The following CSMD1 variants were observed in gnomAD, a reference collection of about 807,000 sequenced individuals.
CSMD1 encodes CUB and Sushi multiple domains 1.
CSMD1 carries 213 observed loss-of-function variants against 417.5 expected under a neutral mutation model. The observed-to-expected ratio is 0.51, with a 90% CI of 0.46 to 0.57. CSMD1 has a LOEUF of 0.57. Ranked by LOEUF, CSMD1 falls within the 20% of genes least tolerant of loss-of-function variation. CSMD1 has a pLI of 0.00. For missense variants in CSMD1, 6,923 were observed against 4,529.7 expected (o/e 1.53, Z -15.17); for synonymous variants, 2,862 against 1,736.8 (o/e 1.65, Z -16.11).
At chr8:4,496,470 C>T (rs893457) in intron 2 of CSMD1, among the ~76,000 whole-genome samples, 119,297 of 152,108 alleles carry the variant, frequency 0.78, 46,847 homozygotes, top group Middle Eastern at 0.85. Context: ...GCCAAGAGAA[C>T]GTGGAATCTC....
intron 1 of CSMD1, among the ~76,000 whole-genome samples, chr8:4,778,575 T>G (rs191436270): frequency 9.8e-5 from 15 of 152,334 alleles, no homozygotes; most frequent in Admixed American, 9.2e-4. Flanking sequence ...AAGATCAACC[T>G]GGAAATTCCG....
At chr8:3,993,350 A>G (rs983919155) in intron 5 of CSMD1, among the ~76,000 whole-genome samples, 1 of 152,198 alleles carries the variant, frequency 6.6e-6, no homozygotes, top group Non-Finnish European at 1.5e-5. Flanking sequence ...ATGTTCCTCT[A>G]TAATTCTCCC....
chr8:3,864,442 G>T (rs1026709732), intron 5 of CSMD1, among the ~76,000 whole-genome samples: 5 of 152,190 alleles, frequency 3.3e-5, no homozygotes, highest in African/African-American at 1.2e-4. Context: ...TACAGTATGA[G>T]AAGGGGTTAA....
chr8:4,104,809 G>A lies in CSMD1; in HGVS notation c.416-72710C>T, dbSNP rs530310373. ...GGCTATTTGCTGACCTTTACGAAGA[G>A]TGTCTTTAAATGTTTCCTTGAGATC... On this transcript the variant is annotated intron_variant, in intron 3 of 69. Transcript: ENST00000635120. Among the ~76,000 whole-genome samples the A allele has an allele frequency of 3.3e-5, 5 of 152,282 alleles. No homozygotes were observed. In the East Asian group the frequency reaches 7.7e-4, roughly 24 times the overall value.
chr8:3,381,908 G>A (rs569608370), intron 18 of CSMD1, among the ~76,000 whole-genome samples: 1 of 152,190 alleles, frequency 6.6e-6, no homozygotes, highest in South Asian at 2.1e-4. Context: ...TATCTATACA[G>A]TATATGCATA....
Position 3,017,184 on chromosome 8 carries a change from G to A in CSMD1, c.8029+1293C>T, listed in dbSNP as rs370974641. Among the ~76,000 whole-genome samples, 30 of 152,310 alleles carry A rather than the reference G, an allele frequency of 2.0e-4. No individual in the cohort carries two copies. The East Asian group carries it at 2.1e-3, about 11-fold the overall frequency. ...AGAGATGTGGTACATACTGTCAGAC[G>A]TGAGTGTCTCGGACCACCTAGCTCC... On this transcript the variant is annotated intron_variant, in intron 52 of 69. Transcript: ENST00000635120.
intron 10 of CSMD1, among the ~76,000 whole-genome samples, chr8:3,502,348 G>T (rs1420540038): frequency 7.7e-6 from 1 of 130,624 alleles, no homozygotes; most frequent in African/African-American, 3.0e-5. Context: ...CTGGGGGACA[G>T]ACCGAGACTT....
chr8:3,558,533 G>A (rs73658189), intron 10 of CSMD1, among the ~76,000 whole-genome samples: 23,921 of 115,714 alleles, frequency 0.21, 285 homozygotes, highest in East Asian at 0.36. Flanking sequence ...CTCCTCCAAC[G>A]ATGAACGGTG....
intron 5 of CSMD1, among the ~76,000 whole-genome samples, chr8:3,916,068 G>A (rs1250168200): frequency 6.6e-6 from 1 of 151,660 alleles, no homozygotes; most frequent in African/African-American, 2.4e-5. Flanking sequence ...GCTTTTCAAA[G>A]TGTCTGCTCT....
intron 3 of CSMD1, among the ~76,000 whole-genome samples, chr8:4,412,889 G>T (rs1292310113): frequency 6.6e-6 from 1 of 152,156 alleles, no homozygotes; most frequent in Non-Finnish European, 1.5e-5. Context: ...GAAAAAGAAA[G>T]ACATAAGATA....
rs527428187 is a variant in CSMD1 at position 3,307,840 on chromosome 8, G to C, written c.3824-19C>G. The C allele has an allele frequency of 1.1e-5, 17 of 1,605,236 alleles. No homozygotes were observed. Among genetic ancestry groups the C allele is most frequent in the African/African-American group, 1.3e-5 (1 of 74,702 alleles). On this transcript the variant is annotated intron_variant, in intron 24 of 69. Transcript: ENST00000635120. ...CATTCCGCTGTAGAAGACACAGAGA[G>C]ATGGGAACGTTCAGCTTCAGGCATC...
chr8:2,959,106 A>G (rs866808922), intron 62 of CSMD1, among the ~76,000 whole-genome samples: 23 of 152,198 alleles, frequency 1.5e-4, no homozygotes, highest in African/African-American at 5.3e-4. Flanking sequence ...TGATTGACTG[A>G]TCGATTTAAA....
At chr8:4,758,713 G>C (rs1270106661) in intron 1 of CSMD1, among the ~76,000 whole-genome samples, 1 of 151,822 alleles carries the variant, frequency 6.6e-6, no homozygotes, top group Non-Finnish European at 1.5e-5. Flanking sequence ...AAGATAAAGA[G>C]AGTAAAAAGC....
chr8:3,714,976 T>C (rs1291891466), intron 6 of CSMD1, among the ~76,000 whole-genome samples: 1 of 152,194 alleles, frequency 6.6e-6, no homozygotes, highest in African/African-American at 2.4e-5. Flanking sequence ...TACACTATAA[T>C]AAATTATTTT....
chr8:4,793,017 C>A (rs976655656), intron 1 of CSMD1, among the ~76,000 whole-genome samples: 1 of 151,416 alleles, frequency 6.6e-6, no homozygotes, highest in Non-Finnish European at 1.5e-5. Flanking sequence ...TCTCCACACA[C>A]ATACATAAGC....
intron 25 of CSMD1, among the ~76,000 whole-genome samples, chr8:3,288,238 C>G (rs1239331001): frequency 6.8e-6 from 1 of 147,186 alleles, no homozygotes; most frequent in Non-Finnish European, 1.5e-5. Context: ...CATCGATGTT[C>G]ATCAGGGATA....
intron 3 of CSMD1, among the ~76,000 whole-genome samples, chr8:4,233,080 T>C (rs1227780562): frequency 1.3e-5 from 2 of 152,232 alleles, no homozygotes; most frequent in African/African-American, 2.4e-5. Context: ...CATTGTTCTG[T>C]GCACTGGCAC....
chr8:4,745,093 G>A (rs7846228), intron 1 of CSMD1, among the ~76,000 whole-genome samples: 136 of 152,008 alleles, frequency 8.9e-4, no homozygotes, highest in Admixed American at 1.5e-3. Context: ...CGAGAAATGC[G>A]TAAGAATGGC....
intron 2 of CSMD1, among the ~76,000 whole-genome samples, chr8:4,449,265 T>C (rs910774490): frequency 5.3e-5 from 8 of 152,198 alleles, no homozygotes; most frequent in East Asian, 1.9e-4. Context: ...GTTGTAACTA[T>C]TGAAAGGAAA....
Sources: allele counts gnomAD v4.1 joint callset (sites outside exome capture counted in the v4.1 genomes callset), GRCh38; gene constraint gnomAD v4.1.1; transcripts MANE v1.5; gene names NCBI Gene and HGNC (gene_info 2026-07-23, HGNC 2026-07-21).